The following ARHGAP24 variants were observed in gnomAD, a reference collection of about 807,000 sequenced individuals.
ARHGAP24 encodes rho GTPase-activating protein 24.
In ARHGAP24, 50 loss-of-function variants were observed where a neutral mutation model predicts 76.4. The ratio of observed to expected loss-of-function variants is 0.65; its 90% CI spans 0.52 to 0.83. The LOEUF is 0.83. Among genes scored for constraint, ARHGAP24 ranks in the 40% least tolerant of loss-of-function variants. ARHGAP24 has a pLI of 0.00. For missense variants in ARHGAP24, 930 were observed against 914.2 expected, an observed-to-expected ratio of 1.02 and a Z score of -0.22; for synonymous variants, 345 against 323.3, an observed-to-expected ratio of 1.07 and a Z score of -0.72.
intron 2 of ARHGAP24, among the ~76,000 whole-genome samples, chr4:85,632,903 G>A (rs1184304903): frequency 6.6e-6 from 1 of 151,888 alleles, no homozygotes; most frequent in Non-Finnish European, 1.5e-5. Flanking sequence ...CCCAGGAACA[G>A]TATTATTTAC....
chr4:85,719,127 T>C (rs1724836540), intron 2 of ARHGAP24, among the ~76,000 whole-genome samples: 1 of 152,190 alleles, frequency 6.6e-6, no homozygotes, highest in South Asian at 2.1e-4. Flanking sequence ...AATTCTTAAT[T>C]GAAACAATTA....
intron 3 of ARHGAP24, among the ~76,000 whole-genome samples, chr4:85,815,763 A>T (rs1220064967): frequency 6.6e-6 from 1 of 152,202 alleles, no homozygotes; most frequent in Non-Finnish European, 1.5e-5. Context: ...ATTTTCGGGT[A>T]TCTTTTCAGC....
At chr4:85,658,232 A>G (rs1275604233) in intron 2 of ARHGAP24, among the ~76,000 whole-genome samples, 2 of 152,120 alleles carry the variant, frequency 1.3e-5, no homozygotes, top group Non-Finnish European at 2.9e-5. Context: ...CACATTTGGG[A>G]CCCTGGGATC....
chr4:85,540,499 G>A (rs1253157583), intron 1 of ARHGAP24, among the ~76,000 whole-genome samples: 4 of 152,138 alleles, frequency 2.6e-5, no homozygotes, highest in Non-Finnish European at 5.9e-5. Context: ...AGCAGCATAT[G>A]TTTCTATCAA....
At chr4:85,544,736 G>C (rs1372784808) in intron 1 of ARHGAP24, among the ~76,000 whole-genome samples, 2 of 151,644 alleles carry the variant, frequency 1.3e-5, no homozygotes, top group Non-Finnish European at 2.9e-5. Context: ...AAATTTTTTT[G>C]CAAGACAATG....
At chr4:85,799,722 G>C (rs1167774634) in intron 3 of ARHGAP24, among the ~76,000 whole-genome samples, 2 of 152,138 alleles carry the variant, frequency 1.3e-5, no homozygotes, top group Non-Finnish European at 2.9e-5. Flanking sequence ...GAAAGATGCA[G>C]CTTTTAATGC....
At chr4:85,688,112 C>T (rs888707391) in intron 2 of ARHGAP24, among the ~76,000 whole-genome samples, 3 of 152,110 alleles carry the variant, frequency 2.0e-5, no homozygotes, top group Admixed American at 6.5e-5. Flanking sequence ...CGCACCTGGC[C>T]GGTGGTTCTA....
intron 8 of ARHGAP24, among the ~76,000 whole-genome samples, chr4:85,988,974 CT>C (rs1036701817): frequency 6.6e-6 from 1 of 151,268 alleles, no homozygotes; most frequent in African/African-American, 2.4e-5. Context: ...TCTAAGTTTC[CT>C]TTTCAGAGAG....
At chr4:85,803,348 A>G (rs781721174) in intron 3 of ARHGAP24, among the ~76,000 whole-genome samples, 1 of 152,194 alleles carries the variant, frequency 6.6e-6, no homozygotes, top group Non-Finnish European at 1.5e-5. Context: ...GCTTAGTGCT[A>G]GTAATATTGT....
chr4:85,801,609 G>T (rs1450457089), intron 3 of ARHGAP24, among the ~76,000 whole-genome samples: 3 of 152,230 alleles, frequency 2.0e-5, no homozygotes, highest in Non-Finnish European at 4.4e-5. Context: ...GAAGTGGATT[G>T]CTGAGACTGT....
intron 1 of ARHGAP24, among the ~76,000 whole-genome samples, chr4:85,517,156 G>A (rs1279707230): frequency 6.6e-6 from 1 of 152,094 alleles, no homozygotes; most frequent in Admixed American, 6.6e-5. Context: ...GTGGCTCACT[G>A]TTTTAAATAT....
intron 4 of ARHGAP24, among the ~76,000 whole-genome samples, chr4:85,937,083 C>T (rs17011232): frequency 0.027 from 4,152 of 152,172 alleles, 151 homozygotes; most frequent in African/African-American, 0.073. Context: ...AGCAGAAGAG[C>T]GGCATGATCC....
At chr4:85,637,537 G>T (rs938045038) in intron 2 of ARHGAP24, among the ~76,000 whole-genome samples, 1 of 151,848 alleles carries the variant, frequency 6.6e-6, no homozygotes, top group African/African-American at 2.4e-5. Context: ...ACCACTAGCC[G>T]CATGGGGCTA....
chr4:85,554,565 G>C (rs1047861624), intron 1 of ARHGAP24, among the ~76,000 whole-genome samples: 1 of 152,066 alleles, frequency 6.6e-6, no homozygotes, highest in Non-Finnish European at 1.5e-5. Flanking sequence ...TCCTCAGCTT[G>C]ATTTATTCTG....
intron 3 of ARHGAP24, among the ~76,000 whole-genome samples, chr4:85,742,000 C>T (rs369485556): frequency 9.9e-5 from 15 of 152,266 alleles, no homozygotes; most frequent in South Asian, 4.1e-4. Flanking sequence ...GATTGAAAGT[C>T]TGTGTTCTAT....
intron 5 of ARHGAP24, among the ~76,000 whole-genome samples, chr4:85,948,408 A>G (rs909987926): frequency 5.3e-5 from 8 of 152,278 alleles, no homozygotes; most frequent in African/African-American, 1.9e-4. Flanking sequence ...TGACACTGAC[A>G]TTATTGCAAA....
intron 2 of ARHGAP24, among the ~76,000 whole-genome samples, chr4:85,692,203 G>A (rs1429776115): frequency 1.3e-5 from 2 of 152,148 alleles, no homozygotes; most frequent in African/African-American, 2.4e-5. Flanking sequence ...TCCACTGCTA[G>A]CCTGACAGGG....
intron 3 of ARHGAP24, among the ~76,000 whole-genome samples, chr4:85,813,818 T>TTA (rs35261368): frequency 0.13 from 17,657 of 136,866 alleles, 1,157 homozygotes; most frequent in Non-Finnish European, 0.14. Flanking sequence ...TATATTTATT[T>TTA]TATATATATA....
chr4:85,636,815 A>G (rs755311523), intron 2 of ARHGAP24, among the ~76,000 whole-genome samples: 1 of 152,024 alleles, frequency 6.6e-6, no homozygotes, highest in Non-Finnish European at 1.5e-5. Context: ...TGCACTAGTC[A>G]TATACAGTAA....
Sources: allele counts gnomAD v4.1 joint callset (sites outside exome capture counted in the v4.1 genomes callset), GRCh38; gene constraint gnomAD v4.1.1; transcripts MANE v1.5; gene names NCBI Gene and HGNC (gene_info 2026-07-23, HGNC 2026-07-21).